CSMD1: variants seen among roughly 807,000 people sequenced by gnomAD.
The protein encoded by CSMD1 is CUB and Sushi multiple domains 1, also known as CUB and sushi domain-containing protein 1.
Under a neutral mutation model 417.5 loss-of-function variants are expected in CSMD1, and 213 were observed. That is an observed-to-expected ratio of 0.51 (90% confidence interval 0.46 to 0.57). CSMD1 has a LOEUF of 0.57. Ranked by LOEUF, CSMD1 falls within the 20% of genes least tolerant of loss-of-function variation. The pLI, the probability that CSMD1 is intolerant of heterozygous loss-of-function variation, is 0.00. For synonymous variants in CSMD1, 2,862 were observed against 1,736.8 expected, an observed-to-expected ratio of 1.65 and a Z score of -16.11; for missense variants, 6,923 against 4,529.7, an observed-to-expected ratio of 1.53 and a Z score of -15.17.
chr8:4,247,231 G>C (rs769963506), intron 3 of CSMD1, among the ~76,000 whole-genome samples: 2 of 152,106 alleles, frequency 1.3e-5, no homozygotes, highest in South Asian at 2.1e-4. Flanking sequence ...AGCGAGAAAG[G>C]GACCCTCAAG....
intron 3 of CSMD1, among the ~76,000 whole-genome samples, chr8:4,360,297 C>G (rs1044268611): frequency 1.3e-5 from 2 of 152,156 alleles, no homozygotes; most frequent in African/African-American, 4.8e-5. Flanking sequence ...TAGTGGTCCC[C>G]AAATGCATCC....
intron 3 of CSMD1, among the ~76,000 whole-genome samples, chr8:4,209,154 G>T (rs1017507398): frequency 2.0e-5 from 3 of 152,094 alleles, no homozygotes; most frequent in Admixed American, 1.3e-4. Flanking sequence ...ACCAAAATCT[G>T]CCCTAGAGCC....
chr8:3,745,736 G>T (rs910232161), intron 6 of CSMD1, among the ~76,000 whole-genome samples: 1 of 152,288 alleles, frequency 6.6e-6, no homozygotes, highest in East Asian at 1.9e-4. Context: ...ATTTCATTAA[G>T]CAACAGCTTC....
chr8:4,135,348 A>AGG (rs1563169080), intron 3 of CSMD1, among the ~76,000 whole-genome samples: 2 of 22,578 alleles, frequency 8.9e-5, no homozygotes, highest in Non-Finnish European at 2.1e-4. Flanking sequence ...GAAGGAAGGA[A>AGG]GGGAAAGGAG....
At chr8:3,714,972 A>C (rs1801743866) in intron 6 of CSMD1, among the ~76,000 whole-genome samples, 1 of 152,174 alleles carries the variant, frequency 6.6e-6, no homozygotes. Context: ...CATTTACACT[A>C]TAATAAATTA....
At chr8:4,467,305 G>C (rs1303548239) in intron 2 of CSMD1, among the ~76,000 whole-genome samples, 2 of 152,116 alleles carry the variant, frequency 1.3e-5, no homozygotes, top group African/African-American at 4.8e-5. Context: ...GAAAGGAGGA[G>C]TCACTATACA....
intron 5 of CSMD1, among the ~76,000 whole-genome samples, chr8:3,917,049 T>C (rs562304553): frequency 6.6e-6 from 1 of 152,304 alleles, no homozygotes; most frequent in African/African-American, 2.4e-5. Flanking sequence ...CTTCCTCTTT[T>C]TGAATGTTAC....
chr8:4,823,509 G>T (rs1488481202), intron 1 of CSMD1, among the ~76,000 whole-genome samples: 2 of 152,006 alleles, frequency 1.3e-5, no homozygotes, highest in Admixed American at 6.6e-5. Context: ...AAACTCACTT[G>T]CAATGTACCT....
Position 3,682,939 on chromosome 8 carries a change from C to T in CSMD1, c.1009+25475G>A, listed in dbSNP as rs182026309. 1.5e-3 allele frequency among the ~76,000 whole-genome samples: 226 copies of T among 152,140 alleles called. 3 individuals are homozygous for T. The highest frequency in any genetic ancestry group is 2.8e-3 in the Admixed American group (43 of 15,276). On this transcript the variant is annotated intron_variant, in intron 7 of 69. Transcript: ENST00000635120. The stretch of plus-strand genomic sequence containing the variant: ...CCATCATTCTCAGCAAACTATCTAT[C>T]GCAAGGACCAAAAACCAAACACTGC...
intron 1 of CSMD1, among the ~76,000 whole-genome samples, chr8:4,952,802 C>T (rs1285159726): frequency 3.9e-5 from 6 of 152,104 alleles, no homozygotes; most frequent in Non-Finnish European, 2.9e-5. Context: ...TGAAACAATA[C>T]TTCTACACAG....
intron 2 of CSMD1, among the ~76,000 whole-genome samples, chr8:4,632,069 A>G (rs185929450): frequency 3.3e-5 from 5 of 152,320 alleles, no homozygotes; most frequent in Admixed American, 1.3e-4. Context: ...TAAAACTTCA[A>G]ATTTAGAAAA....
At chr8:4,138,780 C>G (rs1276959325) in intron 3 of CSMD1, among the ~76,000 whole-genome samples, 3 of 152,124 alleles carry the variant, frequency 2.0e-5, no homozygotes, top group Non-Finnish European at 4.4e-5. Context: ...TCAGAATACA[C>G]TATGAACAGT....
At chr8:4,919,441 G>A (rs1381791819) in intron 1 of CSMD1, among the ~76,000 whole-genome samples, 2 of 151,980 alleles carry the variant, frequency 1.3e-5, no homozygotes, top group African/African-American at 4.8e-5. Context: ...AAAAATTAAG[G>A]GGGATTTAAT....
At chr8:4,750,499 A>G (rs1811245457) in intron 1 of CSMD1, among the ~76,000 whole-genome samples, 1 of 152,148 alleles carries the variant, frequency 6.6e-6, no homozygotes, top group Non-Finnish European at 1.5e-5. Flanking sequence ...TTTCATAGTC[A>G]TTATTATATT....
intron 7 of CSMD1, among the ~76,000 whole-genome samples, chr8:3,679,230 G>A (rs572485819): frequency 2.4e-4 from 37 of 152,130 alleles, no homozygotes; most frequent in South Asian, 4.1e-4. Flanking sequence ...ATTACAAGAC[G>A]CAGACTGGCA....
chr8:3,541,162 A>T (rs1798421195), intron 10 of CSMD1, among the ~76,000 whole-genome samples: 1 of 152,222 alleles, frequency 6.6e-6, no homozygotes, highest in Non-Finnish European at 1.5e-5. Context: ...GGATAAAGAA[A>T]ATGTGGTAGA....
intron 3 of CSMD1, among the ~76,000 whole-genome samples, chr8:4,143,999 A>C (rs1210654651): frequency 6.6e-6 from 1 of 151,344 alleles, no homozygotes; most frequent in Non-Finnish European, 1.5e-5. Context: ...CATCTGAGAC[A>C]CGGTGGAAGG....
At chr8:4,480,260 A>G (rs776015448) in intron 2 of CSMD1, among the ~76,000 whole-genome samples, 27 of 151,760 alleles carry the variant, frequency 1.8e-4, no homozygotes, top group Non-Finnish European at 3.7e-4. Flanking sequence ...TCTCATGTCT[A>G]GGGTAGCTCT....
intron 1 of CSMD1, chr8:4,788,437 C>T: frequency 1.5e-6 from 2 of 1,326,378 alleles, no homozygotes; most frequent in South Asian, 2.4e-5. Flanking sequence ...GCTGTTCAAC[C>T]ACACTTTCTC....
Sources: gnomAD v4.1 joint callset for allele counts (sites outside exome capture counted in the v4.1 genomes callset) on GRCh38, gnomAD v4.1.1 for gene constraint, MANE v1.5 for transcripts, NCBI Gene and HGNC (gene_info 2026-07-23, HGNC 2026-07-21) for gene names.